MRPS28: variants seen among roughly 807,000 people sequenced by gnomAD.
MRPS28 encodes small ribosomal subunit protein bS1m.
MRPS28 carries 7 observed loss-of-function variants against 10.8 expected under a neutral mutation model. The ratio of observed to expected loss-of-function variants is 0.65; its 90% CI spans 0.37 to 1.22. MRPS28 has a LOEUF of 1.22. Ranked by LOEUF, MRPS28 falls within the 50% of genes most tolerant of loss-of-function variation. The pLI is 0.02. For missense variants in MRPS28, 265 were observed against 232.9 expected (o/e 1.14, Z -0.90); for synonymous variants, 121 against 93.3 (o/e 1.30, Z -1.71).
chr8:79,953,359 G>A (rs188112129), intron 2 of MRPS28, among the ~76,000 whole-genome samples: 1 of 152,296 alleles, frequency 6.6e-6, no homozygotes, highest in African/African-American at 2.4e-5. Context: ...GATGTATTAA[G>A]ATAATACGAT....
intron 1 of MRPS28, among the ~76,000 whole-genome samples, chr8:80,010,032 A>G (rs78818951): frequency 0.011 from 1,660 of 152,348 alleles, 28 homozygotes; most frequent in African/African-American, 0.038. Flanking sequence ...CCTAAAGTAA[A>G]TTCCAAAAGA....
chr8:79,966,072 T>TA (rs1807495827), intron 2 of MRPS28, among the ~76,000 whole-genome samples: 1 of 152,020 alleles, frequency 6.6e-6, no homozygotes, highest in Admixed American at 6.6e-5. Flanking sequence ...AAGGTTCTCC[T>TA]AAAAAGAAAG....
intron 2 of MRPS28, chr8:79,956,984 TAG>T (rs1367443782): frequency 6.6e-6 from 1 of 152,288 alleles, no homozygotes; most frequent in Non-Finnish European, 1.5e-5. Flanking sequence ...TCCAGCTTTC[TAG>T]AGTCATCTCC....
At chr8:79,963,969 A>G (rs1807439653) in intron 2 of MRPS28, among the ~76,000 whole-genome samples, 1 of 152,018 alleles carries the variant, frequency 6.6e-6, no homozygotes, top group Non-Finnish European at 1.5e-5. Flanking sequence ...TAAAATAGAA[A>G]AGTCACCATT....
chr8:79,961,142 G>T (rs1807362930), intron 2 of MRPS28, among the ~76,000 whole-genome samples: 1 of 152,114 alleles, frequency 6.6e-6, no homozygotes, highest in African/African-American at 2.4e-5. Flanking sequence ...GCTGAACGAT[G>T]AGAGGAACAC....
intron 1 of MRPS28, among the ~76,000 whole-genome samples, chr8:80,020,175 A>G (rs1809315966): frequency 6.6e-6 from 1 of 152,206 alleles, no homozygotes; most frequent in African/African-American, 2.4e-5. Context: ...TGTCTGCGTG[A>G]CCATAAGGCA....
chr8:80,020,359 T>C (rs1031111763), intron 1 of MRPS28, among the ~76,000 whole-genome samples: 5 of 152,192 alleles, frequency 3.3e-5, no homozygotes, highest in Admixed American at 6.5e-5. Context: ...CGGCCTGCAC[T>C]AGTTTTTCAG....
At chr8:80,026,867 A>T (rs1328175315) in intron 1 of MRPS28, among the ~76,000 whole-genome samples, 2 of 152,234 alleles carry the variant, frequency 1.3e-5, no homozygotes, top group African/African-American at 4.8e-5. Flanking sequence ...TAGTTAGAGC[A>T]TATACTGCCT....
intron 2 of MRPS28, among the ~76,000 whole-genome samples, chr8:79,967,390 C>T (rs186118491): frequency 7.7e-4 from 118 of 152,268 alleles, no homozygotes; most frequent in Non-Finnish European, 5.3e-4. Flanking sequence ...GAGACTAATT[C>T]TCTTTCTCCT....
chr8:79,928,644 T>C (rs1370993727), intron 2 of MRPS28, among the ~76,000 whole-genome samples: 3 of 151,822 alleles, frequency 2.0e-5, no homozygotes, highest in African/African-American at 7.2e-5. Flanking sequence ...TTTCACCATG[T>C]TGCCCAGGCT....
At chr8:79,951,676 T>C (rs1359523926) in intron 2 of MRPS28, among the ~76,000 whole-genome samples, 2 of 152,208 alleles carry the variant, frequency 1.3e-5, no homozygotes, top group Middle Eastern at 3.2e-3. Flanking sequence ...CAACAGTATA[T>C]GAAGGAATGC....
chr8:80,014,805 G>A (rs1809152623), intron 1 of MRPS28, among the ~76,000 whole-genome samples: 1 of 152,062 alleles, frequency 6.6e-6, no homozygotes, highest in Non-Finnish European at 1.5e-5. Flanking sequence ...CAACCAAGAT[G>A]ATTTCCCCCC....
intron 2 of MRPS28, among the ~76,000 whole-genome samples, chr8:79,993,966 G>A (rs1477359987): frequency 6.6e-6 from 1 of 152,120 alleles, no homozygotes; most frequent in Non-Finnish European, 1.5e-5. Context: ...TTCAGTGCAC[G>A]TGCCAGTTAC....
At chr8:79,984,764 G>C (rs1481887093) in intron 2 of MRPS28, among the ~76,000 whole-genome samples, 1 of 152,162 alleles carries the variant, frequency 6.6e-6, no homozygotes, top group Non-Finnish European at 1.5e-5. Context: ...GGAGCACCCA[G>C]ATTCATAAAG....
intron 2 of MRPS28, among the ~76,000 whole-genome samples, chr8:79,969,647 A>C (rs1807580400): frequency 6.6e-6 from 1 of 152,136 alleles, no homozygotes; most frequent in South Asian, 2.1e-4. Flanking sequence ...AGGCTGACGC[A>C]GGAGGATTGC....
At chr8:79,950,228 T>C (rs896952523) in intron 2 of MRPS28, among the ~76,000 whole-genome samples, 1 of 152,190 alleles carries the variant, frequency 6.6e-6, no homozygotes, top group African/African-American at 2.4e-5. Context: ...TTCTTTCTTT[T>C]GTTTTTATGG....
intron 2 of MRPS28, among the ~76,000 whole-genome samples, chr8:79,921,005 T>C (rs1297966145): frequency 6.6e-6 from 1 of 152,224 alleles, no homozygotes; most frequent in Non-Finnish European, 1.5e-5. Flanking sequence ...GCTTTCTACA[T>C]ATGGCTAGCC....
chr8:80,016,189 G>A (rs796243581), intron 1 of MRPS28, among the ~76,000 whole-genome samples: 7 of 152,212 alleles, frequency 4.6e-5, no homozygotes, highest in African/African-American at 1.7e-4. Flanking sequence ...AGGAAGCTCA[G>A]AGGACATCAA....
intron 2 of MRPS28, among the ~76,000 whole-genome samples, chr8:79,944,431 A>G (rs907868629): frequency 1.3e-5 from 2 of 152,186 alleles, no homozygotes; most frequent in African/African-American, 4.8e-5. Context: ...GCTTATTAAT[A>G]TTTAGTTAAT....
Sources: allele counts gnomAD v4.1 joint callset (sites outside exome capture counted in the v4.1 genomes callset), GRCh38; gene constraint gnomAD v4.1.1; transcripts MANE v1.5; gene names NCBI Gene and HGNC (gene_info 2026-07-23, HGNC 2026-07-21).